ST8SIA2: variants seen among roughly 807,000 people sequenced by gnomAD.
ST8SIA2 encodes the protein ST8 alpha-N-acetyl-neuraminide alpha-2,8-sialyltransferase 2.
In ST8SIA2, 22 loss-of-function variants were observed where a neutral mutation model predicts 37.6. That is an observed-to-expected ratio of 0.58 (90% CI 0.42 to 0.83). ST8SIA2 has a LOEUF of 0.83. ST8SIA2 is among the 40% of genes least tolerant of loss of function. The pLI, the probability that ST8SIA2 is intolerant of heterozygous loss-of-function variation, is 0.00. For missense variants in ST8SIA2, 382 were observed against 484.7 expected (o/e 0.79, Z 1.99); for synonymous variants, 205 against 201.2 (o/e 1.02, Z -0.16).
intron 5 of ST8SIA2, among the ~76,000 whole-genome samples, chr15:92,463,141 C>A (rs555833295): frequency 6.6e-6 from 1 of 152,218 alleles, no homozygotes; most frequent in Non-Finnish European, 1.5e-5. Context: ...TTACTTCCCC[C>A]CTCTGAGCAT....
chr15:92,434,363 C>A lies in ST8SIA2; in HGVS notation c.278C>A (p.Ser93Tyr). The change falls in exon 3 of 6, where the codon TCT becomes TAT. Residue 93 changes from serine to tyrosine, a missense_variant. Transcript: ENST00000268164. ...AAATGGAGACATAACCAGACGCTCT[C>A]TCTGAGGATCAGGTACTGGTAATTA... Reference protein sequence around the residue: ...SSKWRHNQTLSLRIRKQILKF... With the variant: ...SSKWRHNQTLYLRIRKQILKF... 6.2e-7 allele frequency: 1 copy of A among 1,614,196 alleles called. No homozygotes were observed. Among genetic ancestry groups the A allele is most frequent in the Non-Finnish European group, 8.5e-7 (1 of 1,180,042 alleles).
intron 2 of ST8SIA2, among the ~76,000 whole-genome samples, chr15:92,432,815 G>A (rs3848155): frequency 0.5 from 76,153 of 151,944 alleles, 19,394 homozygotes; most frequent in East Asian, 0.71. Context: ...GCACCCCTAA[G>A]CGAAGTCCTT....
intron 1 of ST8SIA2, among the ~76,000 whole-genome samples, chr15:92,400,813 A>G (rs145113837): frequency 6.6e-6 from 1 of 152,198 alleles, no homozygotes; most frequent in East Asian, 1.9e-4. Context: ...GGGCTTCCAT[A>G]GTGGCGTTGA....
chr15:92,413,949 G>A (rs1196121770), intron 1 of ST8SIA2, among the ~76,000 whole-genome samples: 1 of 152,180 alleles, frequency 6.6e-6, no homozygotes, highest in Non-Finnish European at 1.5e-5. Flanking sequence ...CCCAGACCCT[G>A]GGGGCTAATA....
chr15:92,395,923 G>A (rs1486694247), intron 1 of ST8SIA2, among the ~76,000 whole-genome samples: 1 of 152,198 alleles, frequency 6.6e-6, no homozygotes, highest in Non-Finnish European at 1.5e-5. Flanking sequence ...CCTTCCACAT[G>A]CTGGGAACTT....
intron 1 of ST8SIA2, chr15:92,417,524 C>G (rs1177625723): frequency 6.6e-6 from 1 of 152,108 alleles, no homozygotes; most frequent in African/African-American, 2.4e-5. Context: ...CTTTCAAGTC[C>G]CCTCGAGGCA....
chr15:92,460,352 T>A (rs935856838), intron 5 of ST8SIA2, among the ~76,000 whole-genome samples: 3 of 152,192 alleles, frequency 2.0e-5, no homozygotes, highest in East Asian at 3.8e-4. Context: ...GATTCCAGTA[T>A]GTGGCGTAGG....
At chr15:92,449,651 TC>T (rs2049868062) in intron 5 of ST8SIA2, among the ~76,000 whole-genome samples, 1 of 152,386 alleles carries the variant, frequency 6.6e-6, no homozygotes, top group South Asian at 2.1e-4. Context: ...CTCCACATCC[TC>T]ACCAACATCT....
chr15:92,413,126 C>T (rs1163265841), intron 1 of ST8SIA2, among the ~76,000 whole-genome samples: 2 of 152,144 alleles, frequency 1.3e-5, no homozygotes, highest in East Asian at 3.9e-4. Flanking sequence ...CAATTTGTCT[C>T]CATTCCCACT....
intron 1 of ST8SIA2, among the ~76,000 whole-genome samples, chr15:92,395,685 G>C (rs1323179125): frequency 2.0e-5 from 3 of 152,150 alleles, no homozygotes; most frequent in Non-Finnish European, 4.4e-5. Context: ...AAAGGAAATC[G>C]GGCAAGTCAC....
rs34061544 is a variant in ST8SIA2 at position 92,418,462 on chromosome 15, CAAAA to C, written c.99-11569_99-11566del. Among the ~76,000 whole-genome samples, 46 of 100,048 alleles carry C rather than the reference CAAAA, an allele frequency of 4.6e-4. 1 individual carries two copies. Among genetic ancestry groups the C allele is most frequent in the Admixed American group, 5.2e-4 (5 of 9,590 alleles). 65.6% of individuals were successfully genotyped at this position (100,048 alleles called of 152,430 possible). Reference sequence around the variant, plus strand: ...GGGCGACAGGAGTGAGACCCTCCCTCAAAAAAAAAAAAAAAAAAAAAGGCTTCGG... The same window carrying C: ...GGGCGACAGGAGTGAGACCCTCCCTCAAAAAAAAAAAAAAAAAGGCTTCGG... On this transcript the variant is annotated intron_variant, in intron 1 of 5. Coordinates refer to ENST00000268164, the MANE Select transcript of ST8SIA2 (RefSeq NM_006011.4).
chr15:92,402,559 G>A (rs979881227), intron 1 of ST8SIA2, among the ~76,000 whole-genome samples: 1 of 152,154 alleles, frequency 6.6e-6, no homozygotes, highest in Non-Finnish European at 1.5e-5. Flanking sequence ...CAAGGAATAA[G>A]CCTTGGAAAC....
intron 3 of ST8SIA2, among the ~76,000 whole-genome samples, chr15:92,435,546 G>A (rs1276629546): frequency 1.3e-5 from 2 of 152,118 alleles, no homozygotes; most frequent in East Asian, 1.9e-4. Flanking sequence ...ATGTCACCAC[G>A]CAGAGCAGGG....
Position 92,468,017 on chromosome 15 carries a change from C to G in ST8SIA2, c.*3632C>G, listed in dbSNP as rs2050005176. The G allele has an allele frequency of 6.6e-6, 1 of 152,256 alleles. No individual in the cohort carries two copies. The highest frequency in any genetic ancestry group is 2.4e-5 in the African/African-American group (1 of 41,452). The allele number at this position is 152,256 out of a possible 1,614,324, so 9.4% of individuals were successfully genotyped here. A position where few individuals can be genotyped will look rare whatever the true frequency, so the allele number is the denominator to read the frequency against. ...TCTAGTAAAAGACCCGTGATCCCGT[C>G]AGCCACCCAGTCTGAGATGCTGACG... On this transcript the variant is annotated 3_prime_UTR_variant, in exon 6 of 6. Transcript: ENST00000268164.
At chr15:92,437,728 C>T (rs1003105958) in intron 3 of ST8SIA2, among the ~76,000 whole-genome samples, 2 of 152,114 alleles carry the variant, frequency 1.3e-5, no homozygotes, top group Non-Finnish European at 2.9e-5. Context: ...CCCAGAGAAA[C>T]CTTCCGTGGA....
intron 5 of ST8SIA2, among the ~76,000 whole-genome samples, chr15:92,462,393 C>A (rs758142753): frequency 2.6e-5 from 4 of 152,100 alleles, no homozygotes; most frequent in Admixed American, 6.5e-5. Context: ...GATTTAAGGT[C>A]GACACTGTGG....
chr15:92,438,209 C>T (rs1184411573), intron 3 of ST8SIA2, 144 bp from the exon 4 acceptor site: 11 of 1,245,246 alleles, frequency 8.8e-6, no homozygotes, highest in South Asian at 2.4e-5. Context: ...AACCTGTTCT[C>T]GAGGGCATCT....
Position 92,400,885 on chromosome 15 carries a change from C to T in ST8SIA2, c.98+6723C>T, listed in dbSNP as rs542046455. On this transcript the variant is annotated intron_variant, in intron 1 of 5. Transcript: ENST00000268164. ...CAAGGGCTGGTCCCCAGGTAGGATG[C>T]TGGAAACTGAGTGTTAGAGACGTTG... is the stretch of plus-strand genomic sequence containing the variant. 5.9e-5 allele frequency among the ~76,000 whole-genome samples: 9 copies of T among 152,298 alleles called. No homozygotes were observed. In the South Asian group the frequency reaches 1.9e-3, roughly 32 times the overall value.
In ST8SIA2 at chr15:92,434,082, A is replaced by G. The variant is rs2242114; in HGVS notation, c.162-165A>G. Among the ~76,000 whole-genome samples the G allele has an allele frequency of 1.6e-3, 241 of 152,294 alleles. 7 individuals carry two copies. In the East Asian group the frequency reaches 0.04, roughly 25 times the overall value. On this transcript the variant is annotated intron_variant, in intron 2 of 5. Transcript: ENST00000268164. Reference sequence around the variant, plus strand: ...TATACCTTAGGGACAGAGTTTCTGCATTACTGGAAGATAAATAGACTTCCT... The same window carrying G: ...TATACCTTAGGGACAGAGTTTCTGCGTTACTGGAAGATAAATAGACTTCCT...
Sources: allele counts gnomAD v4.1 joint callset (sites outside exome capture counted in the v4.1 genomes callset), GRCh38; gene constraint gnomAD v4.1.1; transcripts MANE v1.5; gene names NCBI Gene and HGNC (gene_info 2026-07-23, HGNC 2026-07-21).